The following MAML1 variants were observed in gnomAD, a reference collection of about 807,000 sequenced individuals.
MAML1 encodes the protein mastermind-like protein 1.
Under a neutral mutation model 77.1 loss-of-function variants are expected in MAML1, and 14 were observed. The ratio of observed to expected loss-of-function variants is 0.18; its 90% CI spans 0.12 to 0.28. MAML1 has a LOEUF of 0.28. Ranked by LOEUF, MAML1 falls within the 10% of genes least tolerant of loss-of-function variation. The probability of loss-of-function intolerance (pLI) is 1.00; values close to 1 mark genes in which losing one functional copy is unlikely to be tolerated. For synonymous variants in MAML1, 516 were observed against 551.9 expected (o/e 0.93, Z 0.91); for missense variants, 1,217 against 1,327.8 (o/e 0.92, Z 1.30).
At position 179,768,642 on chromosome 5, in the gene MAML1, A is replaced by G. The variant is rs138845254; in HGVS notation, c.1732-208A>G. Among the ~76,000 whole-genome samples, 15 of 152,314 alleles carry G rather than the reference A, an allele frequency of 9.8e-5. No homozygotes were observed. The East Asian group carries it at 2.3e-3, about 23-fold the overall frequency. On this transcript the variant is annotated intron_variant, in intron 2 of 4. Coordinates refer to ENST00000292599, the MANE Select transcript of MAML1 (RefSeq NM_014757.5). ...ATCACTGGGAGTAAAACTAACACCT[A>G]TGGAGTAATTGTTCGTTGCTAGGCG...
rs1756133256 is a variant in MAML1, at chr5:179,776,332, A to C, written c.*1455A>C. On this transcript the variant is annotated 3_prime_UTR_variant, in exon 5 of 5. Transcript: ENST00000292599. ...CTATGTGAGAATTGAGCCAAGGAAA[A>C]TACTCATGCAACCAGCCTGAGTCGC... 24 of 985,880 alleles carry C rather than the reference A, an allele frequency of 2.4e-5. No individual in the cohort carries two copies. The highest frequency in any genetic ancestry group is 2.9e-5 in the Non-Finnish European group (24 of 829,958). 61.1% of individuals were successfully genotyped at this position (985,880 alleles called of 1,614,324 possible).
intron 1 of MAML1, among the ~76,000 whole-genome samples, chr5:179,754,634 G>T (rs1779576638): frequency 6.6e-6 from 1 of 152,054 alleles, no homozygotes; most frequent in African/African-American, 2.4e-5. Context: ...TTTGAAAGAA[G>T]CCACTACCAC....
intron 1 of MAML1, among the ~76,000 whole-genome samples, chr5:179,761,009 G>T (rs548300885): frequency 6.6e-6 from 1 of 151,876 alleles, no homozygotes; most frequent in Non-Finnish European, 1.5e-5. Context: ...CAGGAGAATG[G>T]CATGAACCCG....
intron 1 of MAML1, among the ~76,000 whole-genome samples, chr5:179,737,661 T>G (rs1562544147): frequency 6.6e-6 from 1 of 152,132 alleles, no homozygotes; most frequent in Non-Finnish European, 1.5e-5. Flanking sequence ...AGAGTTTACT[T>G]CACTTCAGAT....
chr5:179,771,034 C>T lies in MAML1; in HGVS notation c.1972-113C>T. 1.4e-6 allele frequency: 1 copy of T among 735,304 alleles called. No individual in the cohort carries two copies. Among genetic ancestry groups the T allele is most frequent in the South Asian group, 1.5e-5 (1 of 64,868 alleles). The allele number at this position is 735,304 out of a possible 1,614,324, so 45.5% of individuals were successfully genotyped here. A position where few individuals can be genotyped will look rare whatever the true frequency, so the allele number is the denominator to read the frequency against. On this transcript the variant is annotated intron_variant, in intron 3 of 4. Transcript: ENST00000292599. The surrounding 1 kb of genome is among the most constrained non-coding windows in gnomAD (Gnocchi z 4.7). The stretch of plus-strand genomic sequence containing the variant: ...AAATCAGCACTATTTCCACAGGAGC[C>T]CATTTGTGAGTAACAAACTTGGATA...
chr5:179,733,103 C>T lies in MAML1; in HGVS notation c.-10C>T. ...CCGGCCCCGGGCCCGGCCCGTGCAGCCCGCGGCCCATGGTGCTGCCCACCT... is the reference window on the plus strand; with the variant it reads ...CCGGCCCCGGGCCCGGCCCGTGCAGTCCGCGGCCCATGGTGCTGCCCACCT... On this transcript the variant is annotated 5_prime_UTR_variant, in exon 1 of 5. Coordinates refer to ENST00000292599, the MANE Select transcript of MAML1 (RefSeq NM_014757.5). 1.4e-6 allele frequency: 2 copies of T among 1,382,666 alleles called. No individual in the cohort carries two copies. Among genetic ancestry groups the T allele is most frequent in the Non-Finnish European group, 1.9e-6 (2 of 1,069,506 alleles). The allele number at this position is 1,382,666 out of a possible 1,614,324, so 85.6% of individuals were successfully genotyped here.
At chr5:179,735,976 G>A (rs1030125100) in intron 1 of MAML1, among the ~76,000 whole-genome samples, 3 of 151,592 alleles carry the variant, frequency 2.0e-5, no homozygotes, top group Admixed American at 1.3e-4. Context: ...GTGAGCCACC[G>A]CGCCCGGCCT....
At chr5:179,760,310 A>G (rs1257031160) in intron 1 of MAML1, among the ~76,000 whole-genome samples, 1 of 151,980 alleles carries the variant, frequency 6.6e-6, no homozygotes, top group South Asian at 2.1e-4. Flanking sequence ...AGAAAGTACT[A>G]TGGTGTGGGT....
chr5:179,743,626 A>G (rs147040731), intron 1 of MAML1, among the ~76,000 whole-genome samples: 4,796 of 151,820 alleles, frequency 0.032, 110 homozygotes, highest in Non-Finnish European at 0.049. Flanking sequence ...CAGCCTCTCA[A>G]AGTGCTGGGA....
chr5:179,764,695 C>T (rs559967186), intron 1 of MAML1, among the ~76,000 whole-genome samples: 2 of 150,272 alleles, frequency 1.3e-5, no homozygotes, highest in Non-Finnish European at 3.0e-5. Context: ...GGCACAGTGG[C>T]TCATGCCTGT....
At chr5:179,770,415 C>T (rs546775004) in intron 3 of MAML1, among the ~76,000 whole-genome samples, 1 of 152,062 alleles carries the variant, frequency 6.6e-6, no homozygotes, top group African/African-American at 2.4e-5. Context: ...CCACTGCACT[C>T]CAGCCTGGGC....
In MAML1 at chr5:179,769,289, C is replaced by T. The variant is rs1344956939; in HGVS notation, c.1971+200C>T. Among the ~76,000 whole-genome samples, 1 of 152,108 alleles carries T rather than the reference C, an allele frequency of 6.6e-6. No homozygotes were observed. The highest frequency in any genetic ancestry group is 1.5e-5 in the Non-Finnish European group (1 of 68,026). ...GGGGTAGTCTTGTCAGAAGCTGCTTCGTGTCACTTAGTGGAGAGTACTCAA... is the reference window on the plus strand; with the variant it reads ...GGGGTAGTCTTGTCAGAAGCTGCTTTGTGTCACTTAGTGGAGAGTACTCAA... On this transcript the variant is annotated intron_variant, in intron 3 of 4. Coordinates refer to ENST00000292599, the MANE Select transcript of MAML1 (RefSeq NM_014757.5). This position sits in a 1 kb window ranked among gnomAD's most constrained non-coding sequence, Gnocchi z 4.2.
rs141354709 is a variant in MAML1, at chr5:179,750,876, G to A, written c.316-14450G>A. Among the ~76,000 whole-genome samples, 255 of 152,348 alleles carry A rather than the reference G, an allele frequency of 1.7e-3. 1 individual carries two copies. Among genetic ancestry groups the A allele is most frequent in the African/African-American group, 5.8e-3 (240 of 41,584 alleles). ...CTGGCACAGAGCCACAGTGCCTGCT[G>A]TATGGAGCCCTTTGTGCAGTAAGGA... On this transcript the variant is annotated intron_variant, in intron 1 of 4. Transcript: ENST00000292599.
Position 179,733,328 on chromosome 5 carries a change from G to C in MAML1, c.216G>C (p.Gly72=), listed in dbSNP as rs1318050289. ...TCCAGGCCAAGGCCAAGCGCGCCGGGAAGCACAGGCAGCCGCCCGCCGCCA... is the reference window on the plus strand; with the variant it reads ...TCCAGGCCAAGGCCAAGCGCGCCGGCAAGCACAGGCAGCCGCCCGCCGCCA... ...RCIQAKAKRA[G]KHRQPPAATA... is the part of the protein sequence containing the mutation. The change falls in exon 1 of 5, where the codon GGG becomes GGC. Residue 72 remains glycine, a synonymous_variant. Transcript: ENST00000292599. 2.2e-6 allele frequency: 3 copies of C among 1,370,410 alleles called. No individual in the cohort carries two copies. Among genetic ancestry groups the C allele is most frequent in the Non-Finnish European group, 2.8e-6 (3 of 1,053,824 alleles). The allele number at this position is 1,370,410 out of a possible 1,614,324, so 84.9% of individuals were successfully genotyped here.
intron 1 of MAML1, among the ~76,000 whole-genome samples, chr5:179,754,911 T>C (rs1581935417): frequency 6.6e-6 from 1 of 152,128 alleles, no homozygotes; most frequent in African/African-American, 2.4e-5. Context: ...ATGAGGCAGG[T>C]CCAGAGGGAA....
At chr5:179,750,645 G>C (rs916978279) in intron 1 of MAML1, among the ~76,000 whole-genome samples, 2 of 152,080 alleles carry the variant, frequency 1.3e-5, no homozygotes, top group African/African-American at 4.8e-5. Flanking sequence ...ATTTTTTGTA[G>C]AGGTGGGGTC....
chr5:179,733,335 A>C lies in MAML1; in HGVS notation c.223A>C (p.Arg75=), dbSNP rs1779104016. ...CAAGGCCAAGCGCGCCGGGAAGCAC[A>C]GGCAGCCGCCCGCCGCCACGGCCCC... ...QAKAKRAGKH[R]QPPAATAPAP... Residue 75 remains arginine, a synonymous_variant, in exon 1 of 5, where the codon AGG becomes CGG. Coordinates refer to ENST00000292599, the MANE Select transcript of MAML1 (RefSeq NM_014757.5). 2 of 1,341,152 alleles carry C rather than the reference A, an allele frequency of 1.5e-6. No individual in the cohort carries two copies. Among genetic ancestry groups the C allele is most frequent in the Non-Finnish European group, 1.9e-6 (2 of 1,039,108 alleles). 83.1% of individuals were successfully genotyped at this position (1,341,152 alleles called of 1,614,324 possible).
intron 2 of MAML1, among the ~76,000 whole-genome samples, chr5:179,767,815 C>T (rs1779850627): frequency 6.6e-6 from 1 of 152,216 alleles, no homozygotes; most frequent in African/African-American, 2.4e-5. Context: ...GAATGAATAA[C>T]TAGAAAGGAG....
In MAML1 at chr5:179,775,008, G is replaced by T. The variant is rs1322215928; in HGVS notation, c.*131G>T. ...TGGGCAGGTAGAGCCCAAGCTCCAG[G>T]TGAGGCCTGGCCCTGGGCAGGGTCT... On this transcript the variant is annotated 3_prime_UTR_variant, in exon 5 of 5. Transcript: ENST00000292599. 16 of 1,472,824 alleles carry T rather than the reference G, an allele frequency of 1.1e-5. No homozygotes were observed. Among genetic ancestry groups the T allele is most frequent in the Non-Finnish European group, 1.4e-5 (16 of 1,120,344 alleles). 91.2% of individuals were successfully genotyped at this position (1,472,824 alleles called of 1,614,324 possible).
Sources: allele counts gnomAD v4.1 joint callset (sites outside exome capture counted in the v4.1 genomes callset), GRCh38; gene constraint gnomAD v4.1.1; non-coding constraint Gnocchi (gnomAD v3.1); transcripts MANE v1.5; gene names NCBI Gene and HGNC (gene_info 2026-07-23, HGNC 2026-07-21).